Variants in AP3S2 observed in about 807,000 individuals in gnomAD.
The protein encoded by AP3S2 is AP-3 complex subunit sigma-2.
A neutral mutation model predicts 23.4 loss-of-function variants in AP3S2; 22 were observed. That is an observed-to-expected ratio of 0.94 (90% CI 0.67 to 1.34). The LOEUF (loss-of-function observed/expected upper bound fraction) is 1.34, where lower values mean the gene tolerates loss of function less well. AP3S2 is among the 40% of genes most tolerant of loss of function. AP3S2 has a pLI of 0.00. For synonymous variants in AP3S2, 86 were observed against 87.1 expected (o/e 0.99, Z 0.07); for missense variants, 241 against 236.9 (o/e 1.02, Z -0.11).
intron 4 of AP3S2, among the ~76,000 whole-genome samples, chr15:89,844,209 CTCTTTCTT>C (rs71151535): frequency 0.069 from 8,851 of 128,916 alleles, 359 homozygotes; most frequent in South Asian, 0.095. Flanking sequence ...TTCTTTCTTT[CTCTTTCTT>C]TCTTTCTTTC....
chr15:89,874,234 C>T (rs979220264), intron 3 of AP3S2, among the ~76,000 whole-genome samples: 4 of 151,306 alleles, frequency 2.6e-5, no homozygotes, highest in African/African-American at 4.9e-5. Flanking sequence ...AGAGGTTTTC[C>T]GCAGATGTCT....
At chr15:89,839,934 A>C (rs1895288261) in intron 4 of AP3S2, among the ~76,000 whole-genome samples, 1 of 152,144 alleles carries the variant, frequency 6.6e-6, no homozygotes, top group African/African-American at 2.4e-5. Flanking sequence ...CCTTGAAGAT[A>C]CTATAAGTGA....
At chr15:89,838,307 T>C (rs1895243881) in intron 4 of AP3S2, among the ~76,000 whole-genome samples, 1 of 152,246 alleles carries the variant, frequency 6.6e-6, no homozygotes, top group African/African-American at 2.4e-5. Context: ...CAGAGCAAGA[T>C]AGAGCCCAAT....
At chr15:89,847,167 A>C (rs1265338559) in intron 4 of AP3S2, among the ~76,000 whole-genome samples, 1 of 151,896 alleles carries the variant, frequency 6.6e-6, no homozygotes, top group Non-Finnish European at 1.5e-5. Context: ...GCTTGAGCCC[A>C]GGAGTTCAAG....
chr15:89,859,121 G>C (rs1011854612), intron 4 of AP3S2, among the ~76,000 whole-genome samples: 1 of 151,458 alleles, frequency 6.6e-6, no homozygotes, highest in Non-Finnish European at 1.5e-5. Context: ...GCCTCCCAAA[G>C]TGCTGGGGAT....
chr15:89,865,648 C>A (rs1423435651), intron 4 of AP3S2: 2 of 152,208 alleles, frequency 1.3e-5, no homozygotes, highest in Admixed American at 1.3e-4. Context: ...CTTCTAGAGG[C>A]CTGTTTCTTC....
chr15:89,849,881 T>C (rs1156490198), intron 4 of AP3S2, among the ~76,000 whole-genome samples: 2 of 151,898 alleles, frequency 1.3e-5, no homozygotes, highest in African/African-American at 4.8e-5. Context: ...CCTGTGCCCA[T>C]GTGTTCTCAT....
chr15:89,872,235 C>T (rs1259878189), intron 3 of AP3S2, among the ~76,000 whole-genome samples: 3 of 151,974 alleles, frequency 2.0e-5, no homozygotes, highest in African/African-American at 4.8e-5. Context: ...TTCATTATTA[C>T]AGGGTTAACA....
At chr15:89,845,261 TA>T (rs1428054699) in intron 4 of AP3S2, 2 of 152,188 alleles carry the variant, frequency 1.3e-5, no homozygotes, top group African/African-American at 2.4e-5. Flanking sequence ...TTAATCAAAT[TA>T]CATAATTACA....
At chr15:89,839,810 CA>C (rs1213117260) in intron 4 of AP3S2, among the ~76,000 whole-genome samples, 1 of 151,750 alleles carries the variant, frequency 6.6e-6, no homozygotes, top group Admixed American at 6.6e-5. Context: ...CATAGAAATA[CA>C]ACAGAATATT....
chr15:89,840,745 T>C lies in AP3S2; in HGVS notation c.346-3023A>G, dbSNP rs369491958. ...GCCTGGCCTGACTTCACTTTATATA[T>C]GAAGAAATTGATACATTTTATATAT... is the stretch of plus-strand genomic sequence containing the variant. On this transcript the variant is annotated intron_variant, in intron 4 of 5. Coordinates refer to ENST00000336418, the MANE Select transcript of AP3S2 (RefSeq NM_005829.5). 5.9e-5 allele frequency among the ~76,000 whole-genome samples: 9 copies of C among 152,264 alleles called. No individual in the cohort carries two copies. In the East Asian group the frequency reaches 1.2e-3, roughly 20 times the overall value.
At chr15:89,839,359 T>C (rs1045372016) in intron 4 of AP3S2, among the ~76,000 whole-genome samples, 4 of 152,212 alleles carry the variant, frequency 2.6e-5, no homozygotes, top group Admixed American at 6.5e-5. Flanking sequence ...TGTGCCCACA[T>C]TGAGCTTTAT....
intron 3 of AP3S2, among the ~76,000 whole-genome samples, chr15:89,872,167 T>TA (rs1896336017): frequency 1.3e-5 from 2 of 151,392 alleles, no homozygotes; most frequent in South Asian, 2.1e-4. Flanking sequence ...AATAACAAAT[T>TA]AAAAAAACCA....
At position 89,831,897 on chromosome 15, in the gene AP3S2, T is replaced by C. The variant is rs1032735753; in HGVS notation, c.*3618A>G. 2 of 152,282 alleles carry C rather than the reference T, an allele frequency of 1.3e-5. No individual in the cohort carries two copies. Among genetic ancestry groups the C allele is most frequent in the Non-Finnish European group, 2.9e-5 (2 of 68,068 alleles). The allele number at this position is 152,282 out of a possible 1,614,324, so 9.4% of individuals were successfully genotyped here. The stretch of plus-strand genomic sequence containing the variant: ...GGTAGGGCGTAGGGAAATGGGTTAC[T>C]GTCCTCTAAATATTCCATATATCAC... On this transcript the variant is annotated 3_prime_UTR_variant, in exon 6 of 6. Transcript: ENST00000336418.
intron 4 of AP3S2, chr15:89,852,262 G>A (rs1420456797): frequency 5.3e-5 from 8 of 152,256 alleles, no homozygotes; most frequent in Non-Finnish European, 1.0e-4. Flanking sequence ...ATGAGACACT[G>A]TATATAAAGC....
chr15:89,858,493 A>AAGAG (rs143172663), intron 4 of AP3S2, among the ~76,000 whole-genome samples: 750 of 60,032 alleles, frequency 0.012, 8 homozygotes, highest in Non-Finnish European at 0.02. Context: ...GAAAGAAAGA[A>AAGAG]AGAGAGAGAG....
At chr15:89,876,256 T>C (rs1896440237) in intron 3 of AP3S2, among the ~76,000 whole-genome samples, 1 of 150,850 alleles carries the variant, frequency 6.6e-6, no homozygotes, top group Non-Finnish European at 1.5e-5. Context: ...CTGTCTCTAC[T>C]AAAAATGCAA....
At chr15:89,859,049 G>A (rs1174483163) in intron 4 of AP3S2, among the ~76,000 whole-genome samples, 2 of 151,560 alleles carry the variant, frequency 1.3e-5, no homozygotes, top group East Asian at 3.9e-4. Flanking sequence ...TAAAGAGATG[G>A]GGTCTCACTT....
At chr15:89,840,415 C>T (rs935341452) in intron 4 of AP3S2, among the ~76,000 whole-genome samples, 1 of 152,016 alleles carries the variant, frequency 6.6e-6, no homozygotes, top group Non-Finnish European at 1.5e-5. Flanking sequence ...ATATAATCTT[C>T]ACTTTATTAT....
Sources: allele counts gnomAD v4.1 joint callset (sites outside exome capture counted in the v4.1 genomes callset), GRCh38; gene constraint gnomAD v4.1.1; transcripts MANE v1.5; gene names NCBI Gene and HGNC (gene_info 2026-07-23, HGNC 2026-07-21).